MECOM: variants seen among roughly 807,000 people sequenced by gnomAD.
The protein encoded by MECOM is histone-lysine N-methyltransferase MECOM.
Under a neutral mutation model 116.3 loss-of-function variants are expected in MECOM, and 13 were observed. The ratio of observed to expected loss-of-function variants is 0.11; its 90% CI spans 0.07 to 0.18. The LOEUF is 0.18. Among genes scored for constraint, MECOM ranks in the 10% least tolerant of loss-of-function variants. MECOM has a pLI of 1.00. For synonymous variants in MECOM, 528 were observed against 535.2 expected (o/e 0.99, Z 0.19); for missense variants, 1,299 against 1,509.0 (o/e 0.86, Z 2.31).
intron 2 of MECOM, among the ~76,000 whole-genome samples, chr3:169,319,931 A>G (rs1006087585): frequency 6.6e-6 from 1 of 152,242 alleles, no homozygotes; most frequent in African/African-American, 2.4e-5. Context: ...GAGGTGGAGA[A>G]GGAGCTTGTA....
chr3:169,309,259 T>C (rs1307457493), intron 2 of MECOM, among the ~76,000 whole-genome samples: 2 of 152,208 alleles, frequency 1.3e-5, no homozygotes, highest in African/African-American at 2.4e-5. Context: ...TTCTATGACA[T>C]ATGCAAGTTT....
chr3:169,245,826 A>G (rs1257192704), intron 2 of MECOM, among the ~76,000 whole-genome samples: 1 of 152,204 alleles, frequency 6.6e-6, no homozygotes, highest in Non-Finnish European at 1.5e-5. Flanking sequence ...TTTACAATAA[A>G]AAAGTCGCTA....
intron 2 of MECOM, among the ~76,000 whole-genome samples, chr3:169,337,674 C>T (rs939792484): frequency 2.6e-5 from 4 of 151,998 alleles, no homozygotes; most frequent in African/African-American, 4.8e-5. Flanking sequence ...CTCTGAAGCC[C>T]GAGCCAAATA....
At chr3:169,097,914 G>A (rs1228559166) in intron 12 of MECOM, among the ~76,000 whole-genome samples, 1 of 149,466 alleles carries the variant, frequency 6.7e-6, no homozygotes, top group African/African-American at 2.5e-5. Flanking sequence ...TCTACATAGG[G>A]ACCATGTTTA....
chr3:169,614,585 C>T (rs896123511), intron 1 of MECOM, among the ~76,000 whole-genome samples: 5 of 152,126 alleles, frequency 3.3e-5, no homozygotes, highest in Admixed American at 6.5e-5. Flanking sequence ...TTGATTTCCA[C>T]GGTTCAAGAA....
At chr3:169,452,424 A>G (rs769680170) in intron 1 of MECOM, among the ~76,000 whole-genome samples, 24 of 152,204 alleles carry the variant, frequency 1.6e-4, no homozygotes, top group Non-Finnish European at 3.1e-4. Flanking sequence ...CAATGTTGAT[A>G]TTATTATTTC....
chr3:169,161,968 G>T (rs1026188832), intron 2 of MECOM, among the ~76,000 whole-genome samples: 1 of 152,116 alleles, frequency 6.6e-6, no homozygotes, highest in Admixed American at 6.6e-5. Flanking sequence ...GACCTGATGA[G>T]ACCCTGGACC....
At chr3:169,586,846 G>A (rs532456779) in intron 1 of MECOM, among the ~76,000 whole-genome samples, 5 of 152,166 alleles carry the variant, frequency 3.3e-5, no homozygotes, top group African/African-American at 4.8e-5. Flanking sequence ...TGTTCTCTGC[G>A]CAGCAGCTTT....
intron 2 of MECOM, among the ~76,000 whole-genome samples, chr3:169,275,474 A>G (rs960334011): frequency 1.3e-5 from 2 of 152,212 alleles, no homozygotes; most frequent in African/African-American, 2.4e-5. Flanking sequence ...AAAGTATGCT[A>G]TATCTTGTGA....
intron 2 of MECOM, among the ~76,000 whole-genome samples, chr3:169,302,221 A>C (rs1289245196): frequency 6.6e-6 from 1 of 152,230 alleles, no homozygotes; most frequent in Non-Finnish European, 1.5e-5. Context: ...TCCATGTATC[A>C]AGTCCTGTTA....
rs544360647 is a variant in MECOM at position 169,378,228 on chromosome 3, G to A, written c.375+2959C>T. 3.3e-5 allele frequency among the ~76,000 whole-genome samples: 5 copies of A among 151,142 alleles called. No individual in the cohort carries two copies. In the South Asian group the frequency reaches 8.4e-4, roughly 25 times the overall value. ...ATGAGAAATACCTAATGTAGATGAC[G>A]GGTTGATGGGTGCAGCAAACCACCA... On this transcript the variant is annotated intron_variant, in intron 2 of 16. Transcript: ENST00000651503.
intron 1 of MECOM, among the ~76,000 whole-genome samples, chr3:169,500,306 A>G (rs1222775680): frequency 6.6e-6 from 1 of 152,024 alleles, no homozygotes; most frequent in African/African-American, 2.4e-5. Flanking sequence ...AAATAGGTAC[A>G]TACTCCTGTA....
chr3:169,631,899 G>A (rs1772144497), intron 1 of MECOM, among the ~76,000 whole-genome samples: 1 of 152,000 alleles, frequency 6.6e-6, no homozygotes, highest in Non-Finnish European at 1.5e-5. Context: ...GGAAACCCCA[G>A]GCTAGTGACA....
chr3:169,248,815 A>G (rs1272620763), intron 2 of MECOM, among the ~76,000 whole-genome samples: 1 of 152,198 alleles, frequency 6.6e-6, no homozygotes. Flanking sequence ...AAGTAGGTAG[A>G]GATCTGCAAG....
At chr3:169,351,869 T>G (rs953727998) in intron 2 of MECOM, among the ~76,000 whole-genome samples, 2 of 151,862 alleles carry the variant, frequency 1.3e-5, no homozygotes, top group African/African-American at 4.8e-5. Context: ...CCTCTCAATT[T>G]TCCTTATCCC....
At chr3:169,593,087 C>T (rs1053613616) in intron 1 of MECOM, among the ~76,000 whole-genome samples, 3 of 152,140 alleles carry the variant, frequency 2.0e-5, no homozygotes, top group Admixed American at 6.5e-5. Flanking sequence ...GAAGGGGTCT[C>T]GCTATGTTGC....
chr3:169,206,268 C>T (rs3912599), intron 2 of MECOM, among the ~76,000 whole-genome samples: 1 of 152,080 alleles, frequency 6.6e-6, no homozygotes, highest in East Asian at 1.9e-4. Flanking sequence ...AAAAATGATC[C>T]TAGTGAAAAA....
At chr3:169,464,179 T>C (rs1747904997) in intron 1 of MECOM, 1 of 152,180 alleles carries the variant, frequency 6.6e-6, no homozygotes, top group Non-Finnish European at 1.5e-5. Context: ...GATTCTTGCA[T>C]ATGGCCATAT....
chr3:169,457,394 G>A (rs959823027), intron 1 of MECOM, among the ~76,000 whole-genome samples: 24 of 152,126 alleles, frequency 1.6e-4, no homozygotes, highest in Non-Finnish European at 2.9e-4. Flanking sequence ...ATTAGCTCCA[G>A]GAGTGCAGAT....
Sources: allele counts gnomAD v4.1 joint callset (sites outside exome capture counted in the v4.1 genomes callset), GRCh38; gene constraint gnomAD v4.1.1; transcripts MANE v1.5; gene names NCBI Gene and HGNC (gene_info 2026-07-23, HGNC 2026-07-21).